Variants in TNNI3K observed in about 807,000 individuals in gnomAD.
TNNI3K encodes the protein TNNI3 interacting kinase.
In TNNI3K, 140 loss-of-function variants were observed where a neutral mutation model predicts 114.5. That is an observed-to-expected ratio of 1.22 (90% CI 1.07 to 1.41). The LOEUF (loss-of-function observed/expected upper bound fraction) is 1.41, where lower values mean the gene tolerates loss of function less well. Ranked by LOEUF, TNNI3K falls within the 40% of genes most tolerant of loss-of-function variation. The pLI, the probability that TNNI3K is intolerant of heterozygous loss-of-function variation, is 0.00. For synonymous variants in TNNI3K, 347 were observed against 347.5 expected, an observed-to-expected ratio of 1.00 and a Z score of 0.02; for missense variants, 1,125 against 1,007.6, an observed-to-expected ratio of 1.12 and a Z score of -1.58.
chr1:74,450,760 A>G (rs1666955162), intron 20 of TNNI3K, among the ~76,000 whole-genome samples: 1 of 152,220 alleles, frequency 6.6e-6, no homozygotes, highest in African/African-American at 2.4e-5. Context: ...GATACTGGCA[A>G]GGCTGTGGAG....
At chr1:74,368,849 G>A in intron 13 of TNNI3K, 173 bp from the exon 14 acceptor site, 1 of 561,394 alleles carries the variant, frequency 1.8e-6, no homozygotes, top group Non-Finnish European at 3.0e-6. Flanking sequence ...GGGGGGTAGG[G>A]ATCATTTGGG....
chr1:74,354,285 C>T (rs1661543538), intron 11 of TNNI3K, among the ~76,000 whole-genome samples, 156 bp downstream of exon 11: 1 of 151,994 alleles, frequency 6.6e-6, no homozygotes, highest in African/African-American at 2.4e-5. Flanking sequence ...TCAAAGAGTC[C>T]AATACACTGT....
chr1:74,511,998 G>A (rs1311031083), intron 23 of TNNI3K, among the ~76,000 whole-genome samples: 1 of 152,174 alleles, frequency 6.6e-6, no homozygotes, highest in African/African-American at 2.4e-5. Context: ...CAGTACCCAA[G>A]GAAAATCGGA....
intron 21 of TNNI3K, among the ~76,000 whole-genome samples, chr1:74,476,873 G>A (rs274589): frequency 0.54 from 81,744 of 151,916 alleles, 22,233 homozygotes; most frequent in East Asian, 0.67. Context: ...ATCAGGTCAT[G>A]ATTGTTTCTT....
chr1:74,516,722 T>A (rs1646353438), intron 23 of TNNI3K, among the ~76,000 whole-genome samples: 1 of 152,120 alleles, frequency 6.6e-6, no homozygotes, highest in Admixed American at 6.6e-5. Flanking sequence ...ATATTCCCCA[T>A]CACTAATTCC....
At chr1:74,263,442 T>C (rs922596721) in intron 4 of TNNI3K, among the ~76,000 whole-genome samples, 3 of 151,954 alleles carry the variant, frequency 2.0e-5, no homozygotes, top group Non-Finnish European at 4.4e-5. Flanking sequence ...ACTTAATAAA[T>C]TGATGTTTTA....
intron 5 of TNNI3K, among the ~76,000 whole-genome samples, chr1:74,297,992 A>G (rs543669637): frequency 6.6e-6 from 1 of 152,180 alleles, no homozygotes; most frequent in South Asian, 2.1e-4. Context: ...CTTTAATCCC[A>G]TATGCAAAAT....
intron 13 of TNNI3K, among the ~76,000 whole-genome samples, chr1:74,368,784 C>A (rs1447434029): frequency 6.6e-6 from 1 of 151,654 alleles, no homozygotes; most frequent in East Asian, 1.9e-4. Flanking sequence ...AGACCCTTAG[C>A]CCTGGTAACA....
At chr1:74,368,029 T>A in intron 13 of TNNI3K, 65 bp downstream of exon 13, 1 of 1,436,926 alleles carries the variant, frequency 7.0e-7, no homozygotes, top group Non-Finnish European at 9.3e-7. Context: ...TCAAATGTAA[T>A]TTTCAATTTT....
chr1:74,252,693 C>T (rs1270555368), intron 4 of TNNI3K, among the ~76,000 whole-genome samples: 1 of 152,088 alleles, frequency 6.6e-6, no homozygotes, highest in Non-Finnish European at 1.5e-5. Context: ...GTGAGTGTTA[C>T]AGCTCTTAAG....
intron 17 of TNNI3K, among the ~76,000 whole-genome samples, chr1:74,387,799 G>A (rs988719001): frequency 6.6e-6 from 1 of 151,994 alleles, no homozygotes; most frequent in Non-Finnish European, 1.5e-5. Context: ...TATAAAATAG[G>A]GACAATATCT....
At chr1:74,514,065 A>T (rs2100390582) in intron 23 of TNNI3K, among the ~76,000 whole-genome samples, 1 of 152,336 alleles carries the variant, frequency 6.6e-6, no homozygotes, top group African/African-American at 2.4e-5. Flanking sequence ...TTCAATTCAA[A>T]GGCTATTCGA....
At chr1:74,465,243 C>T (rs749699606) in intron 21 of TNNI3K, among the ~76,000 whole-genome samples, 1 of 152,152 alleles carries the variant, frequency 6.6e-6, no homozygotes, top group African/African-American at 2.4e-5. Flanking sequence ...TGGCCGAGGC[C>T]GGAGCCCACT....
intron 21 of TNNI3K, among the ~76,000 whole-genome samples, chr1:74,487,170 T>A (rs571881331): frequency 3.3e-5 from 5 of 152,246 alleles, no homozygotes; most frequent in Admixed American, 2.0e-4. Flanking sequence ...GTCTGTATGC[T>A]GGTGGAGATT....
chr1:74,469,656 A>G, intron 21 of TNNI3K: 1 of 369,994 alleles, frequency 2.7e-6, no homozygotes, highest in Non-Finnish European at 4.8e-6. Flanking sequence ...TCCTTAGAGA[A>G]GCATACTCAG....
At chr1:74,282,683 A>AT (rs1657087978) in intron 5 of TNNI3K, among the ~76,000 whole-genome samples, 1 of 152,178 alleles carries the variant, frequency 6.6e-6, no homozygotes, top group Admixed American at 6.5e-5. Flanking sequence ...AATAAATGTC[A>AT]TGTTGAATCT....
intron 11 of TNNI3K, among the ~76,000 whole-genome samples, chr1:74,364,568 C>G (rs1662163823): frequency 6.6e-6 from 1 of 151,756 alleles, no homozygotes; most frequent in South Asian, 2.1e-4. Context: ...CCGCCACCCC[C>G]AAAGATGTTC....
intron 21 of TNNI3K, among the ~76,000 whole-genome samples, chr1:74,485,056 A>G (rs1668684879): frequency 6.6e-6 from 1 of 152,172 alleles, no homozygotes; most frequent in Admixed American, 6.5e-5. Context: ...TGTCTGATGG[A>G]ATGTGCTAGG....
intron 17 of TNNI3K, among the ~76,000 whole-genome samples, chr1:74,377,857 G>A (rs1662986952): frequency 6.6e-6 from 1 of 151,946 alleles, no homozygotes; most frequent in Admixed American, 6.6e-5. Context: ...CTGTGCCATG[G>A]GTACCATGGG....
Sources: gnomAD v4.1 joint callset for allele counts (sites outside exome capture counted in the v4.1 genomes callset) on GRCh38, gnomAD v4.1.1 for gene constraint, MANE v1.5 for transcripts, NCBI Gene and HGNC (gene_info 2026-07-23, HGNC 2026-07-21) for gene names.